CDH20: variants seen among roughly 807,000 people sequenced by gnomAD.
CDH20 encodes cadherin 20, also known as cadherin-20.
In CDH20, 29 loss-of-function variants were observed where a neutral mutation model predicts 74.2. The observed-to-expected ratio is 0.39, with a 90% CI of 0.29 to 0.53. The LOEUF (loss-of-function observed/expected upper bound fraction) is 0.53, where lower values mean the gene tolerates loss of function less well. Among genes scored for constraint, CDH20 ranks in the 20% least tolerant of loss-of-function variants. CDH20 has a pLI of 0.69. For synonymous variants in CDH20, 469 were observed against 405.4 expected, an observed-to-expected ratio of 1.16 and a Z score of -1.88; for missense variants, 988 against 1,048.3, an observed-to-expected ratio of 0.94 and a Z score of 0.79.
intron 9 of CDH20, 117 bp downstream of exon 9, chr18:61,539,262 A>C: frequency 1.0e-6 from 1 of 994,390 alleles, no homozygotes; most frequent in Non-Finnish European, 1.5e-6. Flanking sequence ...AGTTCACAAA[A>C]CAGAGTCCCT....
intron 1 of CDH20, among the ~76,000 whole-genome samples, chr18:61,378,935 T>C (rs1010167841): frequency 3.9e-5 from 6 of 152,260 alleles, no homozygotes; most frequent in African/African-American, 1.4e-4. Flanking sequence ...GCAAGTGATT[T>C]AAGAAAATAT....
chr18:61,537,893 G>A (rs574335356), intron 8 of CDH20, among the ~76,000 whole-genome samples: 46 of 152,288 alleles, frequency 3.0e-4, no homozygotes, highest in African/African-American at 1.0e-3. Flanking sequence ...TGCATTTTGG[G>A]ATTTAGTAAA....
intron 6 of CDH20, among the ~76,000 whole-genome samples, chr18:61,526,332 A>G (rs1912413711): frequency 6.6e-6 from 1 of 151,866 alleles, no homozygotes; most frequent in South Asian, 2.1e-4. Context: ...TTTTTTAAGT[A>G]AGAAAATAAC....
At chr18:61,492,817 GAAGCTCAATGA>G (rs1162195322) in intron 2 of CDH20, among the ~76,000 whole-genome samples, 1 of 152,120 alleles carries the variant, frequency 6.6e-6, no homozygotes, top group African/African-American at 2.4e-5. Flanking sequence ...ACTAAAACTA[GAAGCTCAATGA>G]AAGCAAGAAC....
chr18:61,492,379 T>G (rs952071969), intron 2 of CDH20, among the ~76,000 whole-genome samples: 1 of 152,156 alleles, frequency 6.6e-6, no homozygotes, highest in Admixed American at 6.5e-5. Context: ...AGTCTCCTCA[T>G]GTCCACCTGC....
intron 1 of CDH20, among the ~76,000 whole-genome samples, chr18:61,366,511 T>C (rs1328907416): frequency 2.4e-4 from 36 of 152,302 alleles, no homozygotes; most frequent in Admixed American, 2.4e-3. Context: ...AAATCCTTAT[T>C]CTTTTTTATA....
intron 1 of CDH20, among the ~76,000 whole-genome samples, chr18:61,408,379 C>T (rs545835057): frequency 1.3e-5 from 2 of 152,032 alleles, no homozygotes; most frequent in Non-Finnish European, 2.9e-5. Context: ...TTGGGATGTG[C>T]CATTTTTTCA....
At chr18:61,467,167 G>A (rs1599104692) in intron 1 of CDH20, among the ~76,000 whole-genome samples, 1 of 152,124 alleles carries the variant, frequency 6.6e-6, no homozygotes, top group Non-Finnish European at 1.5e-5. Flanking sequence ...ATAATGATCA[G>A]CTGCCACTGG....
At chr18:61,365,476 G>A (rs528418740) in intron 1 of CDH20, among the ~76,000 whole-genome samples, 1 of 152,182 alleles carries the variant, frequency 6.6e-6, no homozygotes, top group African/African-American at 2.4e-5. Flanking sequence ...AGATGCCTTG[G>A]CATAGAAATG....
At chr18:61,541,274 T>TA (rs1913027064) in intron 9 of CDH20, among the ~76,000 whole-genome samples, 1 of 151,296 alleles carries the variant, frequency 6.6e-6, no homozygotes, top group African/African-American at 2.4e-5. Context: ...ATAATTTTTG[T>TA]TTTATATTAT....
chr18:61,351,293 C>A (rs1316433497), intron 1 of CDH20, among the ~76,000 whole-genome samples: 1 of 152,072 alleles, frequency 6.6e-6, no homozygotes, highest in Non-Finnish European at 1.5e-5. Flanking sequence ...CCATTTCACT[C>A]CCCCCATCCT....
chr18:61,499,551 C>T, intron 3 of CDH20, 71 bp downstream of exon 3: 1 of 1,035,082 alleles, frequency 9.7e-7, no homozygotes. Context: ...CACATATGCA[C>T]ATGCACACAC....
rs574097064 is a variant in CDH20 at position 61,417,482 on chromosome 18, GCAA to G, written c.-152-72914_-152-72912del. On this transcript the variant is annotated intron_variant, in intron 1 of 11. Coordinates refer to ENST00000262717, the MANE Select transcript of CDH20 (RefSeq NM_031891.4). Reference sequence around the variant, plus strand: ...TAAAAAGAGTGAAATCTTGTAATTTGCAACAACATGGATGGAATTGGAGGACAT... The same window carrying G: ...TAAAAAGAGTGAAATCTTGTAATTTGCAACATGGATGGAATTGGAGGACAT... 1.1e-3 allele frequency among the ~76,000 whole-genome samples: 156 copies of G among 146,166 alleles called. 2 individuals are homozygous for G. Among genetic ancestry groups the G allele is most frequent in the African/African-American group, 3.7e-3 (147 of 39,862 alleles).
chr18:61,463,866 A>G (rs1256842011), intron 1 of CDH20, among the ~76,000 whole-genome samples: 2 of 152,120 alleles, frequency 1.3e-5, no homozygotes, highest in Non-Finnish European at 2.9e-5. Flanking sequence ...CAATGGGAAA[A>G]TATGTGCCCC....
intron 9 of CDH20, among the ~76,000 whole-genome samples, chr18:61,543,895 G>A (rs1913129861): frequency 1.3e-5 from 2 of 152,222 alleles, no homozygotes; most frequent in African/African-American, 4.8e-5. Flanking sequence ...TAGATGAGGT[G>A]AGAAGAAAAT....
At chr18:61,342,895 C>T (rs1376876683) in intron 1 of CDH20, among the ~76,000 whole-genome samples, 1 of 152,016 alleles carries the variant, frequency 6.6e-6, no homozygotes, top group Non-Finnish European at 1.5e-5. Context: ...GTCAACATGC[C>T]TTCATTAAGA....
intron 1 of CDH20, among the ~76,000 whole-genome samples, chr18:61,370,434 T>C (rs1259111765): frequency 6.6e-6 from 1 of 152,124 alleles, no homozygotes; most frequent in African/African-American, 2.4e-5. Flanking sequence ...AGAATAGTTT[T>C]CATAATTGAT....
At chr18:61,480,910 T>G (rs1222969266) in intron 1 of CDH20, among the ~76,000 whole-genome samples, 1 of 152,256 alleles carries the variant, frequency 6.6e-6, no homozygotes, top group Non-Finnish European at 1.5e-5. Context: ...TTTTGTTGAC[T>G]TTGTATTGTC....
At chr18:61,501,877 T>C (rs1287925476) in intron 4 of CDH20, among the ~76,000 whole-genome samples, 1 of 152,214 alleles carries the variant, frequency 6.6e-6, no homozygotes, top group African/African-American at 2.4e-5. Flanking sequence ...TAGATTATTT[T>C]GACAGCTCCC....
Sources: gnomAD v4.1 joint callset for allele counts (sites outside exome capture counted in the v4.1 genomes callset) on GRCh38, gnomAD v4.1.1 for gene constraint, MANE v1.5 for transcripts, NCBI Gene and HGNC (gene_info 2026-07-23, HGNC 2026-07-21) for gene names.